RFX2: variants seen among roughly 807,000 people sequenced by gnomAD.
RFX2 encodes regulatory factor X2, also known as DNA-binding protein RFX2.
In RFX2, 20 loss-of-function variants were observed where a neutral mutation model predicts 87.8. The observed-to-expected ratio is 0.23, with a 90% CI of 0.16 to 0.33. RFX2 has a LOEUF of 0.33. Ranked by LOEUF, RFX2 falls within the 10% of genes least tolerant of loss-of-function variation. The pLI is 1.00. For synonymous variants in RFX2, 397 were observed against 431.3 expected (o/e 0.92, Z 0.98); for missense variants, 767 against 1,012.3 (o/e 0.76, Z 3.29).
At chr19:5,996,576 G>A (rs1474505649) in intron 16 of RFX2, among the ~76,000 whole-genome samples, 2 of 152,274 alleles carry the variant, frequency 1.3e-5, no homozygotes, top group Admixed American at 6.5e-5. Context: ...TGCTCCTGGG[G>A]ACGGGGTTTC....
At position 6,045,820 on chromosome 19, in the gene RFX2, TG is replaced by T. The variant is rs1200476202; in HGVS notation, c.91-1539del. The stretch of plus-strand genomic sequence containing the variant: ...CCGAGTAGCTGGGATTACAAGCATG[TG>T]CCACAATGCTCGGCTAATTTATTAT... On this transcript the variant is annotated intron_variant, in intron 2 of 17. Coordinates refer to ENST00000303657, the MANE Select transcript of RFX2 (RefSeq NM_000635.4). The surrounding 1 kb of genome is among the most constrained non-coding windows in gnomAD (Gnocchi z 5.2). 1.3e-5 allele frequency among the ~76,000 whole-genome samples: 2 copies of T among 152,132 alleles called. No individual in the cohort carries two copies. The highest frequency in any genetic ancestry group is 4.8e-5 in the African/African-American group (2 of 41,428).
chr19:6,039,828 A>T lies in RFX2; in HGVS notation c.522+152T>A. On this transcript the variant is annotated intron_variant, in intron 5 of 17. Transcript: ENST00000303657. This position sits in a 1 kb window ranked among gnomAD's most constrained non-coding sequence, Gnocchi z 5.2. ...TGCCTATGGTTGCGTGGCCCGTCTG[A>T]GGCTGGCCCGACTCCATCGTGGGGC... The T allele has an allele frequency of 1.1e-6, 1 of 888,028 alleles. No individual in the cohort carries two copies. Among genetic ancestry groups the T allele is most frequent in the Non-Finnish European group, 1.6e-6 (1 of 609,410 alleles). 55.0% of individuals were successfully genotyped at this position (888,028 alleles called of 1,614,324 possible).
At chr19:6,071,918 G>C (rs531609813) in intron 1 of RFX2, 1 of 152,246 alleles carries the variant, frequency 6.6e-6, no homozygotes, top group East Asian at 1.9e-4. Context: ...TTTTGAGAGG[G>C]GTTTTCATTT....
chr19:6,033,609 C>G (rs2086978101), intron 5 of RFX2, among the ~76,000 whole-genome samples: 1 of 118,960 alleles, frequency 8.4e-6, no homozygotes, highest in Non-Finnish European at 1.7e-5. Flanking sequence ...ACTTTTCCCA[C>G]CTTTGCAAAA....
intron 1 of RFX2, among the ~76,000 whole-genome samples, chr19:6,078,790 T>C (rs1035987618): frequency 6.6e-6 from 1 of 152,216 alleles, no homozygotes; most frequent in Non-Finnish European, 1.5e-5. Flanking sequence ...ATCATTTTAT[T>C]TTTTGAGATG....
intron 5 of RFX2, among the ~76,000 whole-genome samples, chr19:6,034,473 C>T (rs1262021822): frequency 3.3e-5 from 5 of 152,086 alleles, no homozygotes; most frequent in African/African-American, 1.2e-4. Flanking sequence ...GTGATCCACC[C>T]GCCTCAGCCT....
At chr19:6,107,616 CAAAAAAAAAAAAAAA>C (rs1156483792) in intron 1 of RFX2, among the ~76,000 whole-genome samples, 1 of 31,540 alleles carries the variant, frequency 3.2e-5, no homozygotes, top group African/African-American at 1.2e-4. Context: ...GACCCTGTCT[CAAAAAAAAAAAAAAA>C]AAAAAAAAAA....
intron 9 of RFX2, 51 bp from the exon 10 acceptor site, chr19:6,008,275 G>A (rs370705554): frequency 3.3e-6 from 4 of 1,229,578 alleles, no homozygotes; most frequent in Admixed American, 2.5e-5. Flanking sequence ...TTAGGACACC[G>A]TGGACAACTG....
Position 5,994,826 on chromosome 19 carries a change from C to T in RFX2, c.*9G>A. 1 of 1,589,802 alleles carries T rather than the reference C, an allele frequency of 6.3e-7. No individual in the cohort carries two copies. Among genetic ancestry groups the T allele is most frequent in the South Asian group, 1.1e-5 (1 of 90,552 alleles). On this transcript the variant is annotated 3_prime_UTR_variant, in exon 18 of 18. Transcript: ENST00000303657. ...TTTTGGAACCTCGAGGAGGCGCCGG[C>T]CGGGGCTGCTAGATGCCCTGCAGGG...
intron 1 of RFX2, among the ~76,000 whole-genome samples, chr19:6,100,698 T>A (rs777528058): frequency 6.6e-6 from 1 of 152,180 alleles, no homozygotes; most frequent in Non-Finnish European, 1.5e-5. Context: ...CCGCTGCTAC[T>A]GACTCCACCA....
chr19:6,075,750 G>A (rs937260473), intron 1 of RFX2, among the ~76,000 whole-genome samples: 28 of 152,148 alleles, frequency 1.8e-4, no homozygotes, highest in Non-Finnish European at 8.8e-5. Flanking sequence ...ACATGCAGCT[G>A]CCACCTAGGC....
Position 6,056,853 on chromosome 19 carries a change from C to G in RFX2, c.-8-9349G>C, listed in dbSNP as rs2087350215. Among the ~76,000 whole-genome samples the G allele has an allele frequency of 6.6e-6, 1 of 152,176 alleles. No homozygotes were observed. The highest frequency in any genetic ancestry group is 2.1e-4 in the South Asian group (1 of 4,832). On this transcript the variant is annotated intron_variant, in intron 1 of 17. Coordinates refer to ENST00000303657, the MANE Select transcript of RFX2 (RefSeq NM_000635.4). This position sits in a 1 kb window ranked among gnomAD's most constrained non-coding sequence, Gnocchi z 4.6. ...GTCCTCTTAGACTGGGTTACAGGAGCCTCGGAACAGCCAATATAAAGGGGA... is the reference window on the plus strand; with the variant it reads ...GTCCTCTTAGACTGGGTTACAGGAGGCTCGGAACAGCCAATATAAAGGGGA...
In RFX2 at chr19:6,074,577, T is replaced by C. The variant is rs1365289112; in HGVS notation, c.-8-27073A>G. Among the ~76,000 whole-genome samples the C allele has an allele frequency of 1.3e-5, 2 of 152,120 alleles. No individual in the cohort carries two copies. Among genetic ancestry groups the C allele is most frequent in the African/African-American group, 4.8e-5 (2 of 41,420 alleles). Reference sequence around the variant, plus strand: ...GGACACAGCAGGGAATGAAACAGATTGAGTCCCTGACCATGTGGGGCTGAC... The same window carrying C: ...GGACACAGCAGGGAATGAAACAGATCGAGTCCCTGACCATGTGGGGCTGAC... On this transcript the variant is annotated intron_variant, in intron 1 of 17. Coordinates refer to ENST00000303657, the MANE Select transcript of RFX2 (RefSeq NM_000635.4). The surrounding 1 kb of genome is among the most constrained non-coding windows in gnomAD (Gnocchi z 5.2).
chr19:6,029,170 TG>T (rs1014712229), intron 5 of RFX2, among the ~76,000 whole-genome samples: 5 of 150,926 alleles, frequency 3.3e-5, no homozygotes, highest in Non-Finnish European at 5.9e-5. Flanking sequence ...CAGCAAACCC[TG>T]GGGAGAACAG....
At position 6,074,394 on chromosome 19, in the gene RFX2, C is replaced by T. The variant is rs12979180; in HGVS notation, c.-8-26890G>A. Among the ~76,000 whole-genome samples the T allele has an allele frequency of 0.16, 24,921 of 152,202 alleles. 2,282 individuals are homozygous for T. Among genetic ancestry groups the T allele is most frequent in the Middle Eastern group, 0.23 (69 of 294 alleles). ...CTTCCTCTTAGCACCCGGCCTGTGC[C>T]GGTGCATCTCCTCACCCCACACAGT... On this transcript the variant is annotated intron_variant, in intron 1 of 17. Coordinates refer to ENST00000303657, the MANE Select transcript of RFX2 (RefSeq NM_000635.4). The surrounding 1 kb of genome is among the most constrained non-coding windows in gnomAD (Gnocchi z 5.2).
chr19:6,098,555 A>G (rs2088062472), intron 1 of RFX2, among the ~76,000 whole-genome samples: 2 of 152,008 alleles, frequency 1.3e-5, no homozygotes, highest in Non-Finnish European at 2.9e-5. Context: ...TTTCTTTAAC[A>G]CTCAGCTCTC....
rs563899091 is a variant in RFX2 at position 6,003,079 on chromosome 19, C to T, written c.1501-209G>A. On this transcript the variant is annotated intron_variant, in intron 13 of 17. Coordinates refer to ENST00000303657, the MANE Select transcript of RFX2 (RefSeq NM_000635.4). ...GGAGACCTCGCCGGCACATCACACA[C>T]GTCGCTAACTGAGGCCTGCGTGCTG... Among the ~76,000 whole-genome samples the T allele has an allele frequency of 3.7e-4, 57 of 152,278 alleles. 1 individual carries two copies. The highest frequency in any genetic ancestry group is 1.1e-3 in the African/African-American group (45 of 41,558).
rs1473021735 is a variant in RFX2, at chr19:6,022,061, G to A, written c.597+4102C>T. 6.6e-6 allele frequency among the ~76,000 whole-genome samples: 1 copy of A among 152,124 alleles called. No homozygotes were observed. Among genetic ancestry groups the A allele is most frequent in the African/African-American group, 2.4e-5 (1 of 41,406 alleles). On this transcript the variant is annotated intron_variant, in intron 6 of 17. Transcript: ENST00000303657. The surrounding 1 kb of genome is among the most constrained non-coding windows in gnomAD (Gnocchi z 6.2). ...AGCAAGGAGGCGAGGACGCAGTGGG[G>A]TTGGGGGCCGAGCGCCTGGAAGATT...
In RFX2 at chr19:6,016,915, A is replaced by G. The variant is rs75585077; in HGVS notation, c.598-644T>C. On this transcript the variant is annotated intron_variant, in intron 6 of 17. Coordinates refer to ENST00000303657, the MANE Select transcript of RFX2 (RefSeq NM_000635.4). The surrounding 1 kb of genome is among the most constrained non-coding windows in gnomAD (Gnocchi z 5.4). The stretch of plus-strand genomic sequence containing the variant: ...CTTTAACACCAAATCGCTCCCCAAC[A>G]TACAGGAATGGAGAGAAATTCTGTT... 2.6e-5 allele frequency among the ~76,000 whole-genome samples: 4 copies of G among 152,314 alleles called. No homozygotes were observed. In the East Asian group the frequency reaches 7.7e-4, roughly 29 times the overall value.
Sources: allele counts gnomAD v4.1 joint callset (sites outside exome capture counted in the v4.1 genomes callset), GRCh38; gene constraint gnomAD v4.1.1; non-coding constraint Gnocchi (gnomAD v3.1); transcripts MANE v1.5; gene names NCBI Gene and HGNC (gene_info 2026-07-23, HGNC 2026-07-21).